The following ZNF423 variants were observed in gnomAD, a reference collection of about 807,000 sequenced individuals.
ZNF423 encodes the protein Ebf-associated zinc finger protein.
ZNF423 carries 12 observed loss-of-function variants against 95.8 expected under a neutral mutation model. That is an observed-to-expected ratio of 0.13 (90% CI 0.08 to 0.20). The LOEUF is 0.20. ZNF423 is among the 10% of genes least tolerant of loss of function. The pLI is 1.00. For missense variants in ZNF423, 1,316 were observed against 1,737.1 expected (o/e 0.76, Z 4.31); for synonymous variants, 749 against 711.9 (o/e 1.05, Z -0.83).
intron 4 of ZNF423, among the ~76,000 whole-genome samples, chr16:49,628,023 C>T (rs1362251793): frequency 6.6e-6 from 1 of 150,780 alleles, no homozygotes; most frequent in African/African-American, 2.4e-5. Context: ...TACATACATA[C>T]CCACCCATCC....
intron 4 of ZNF423, among the ~76,000 whole-genome samples, chr16:49,628,217 T>C: frequency 1.4e-5 from 2 of 143,972 alleles, no homozygotes; most frequent in African/African-American, 5.2e-5. Context: ...ACCCACCCAT[T>C]TATCTACATA....
At chr16:49,537,245 G>C (rs772712159) in intron 5 of ZNF423, among the ~76,000 whole-genome samples, 3 of 152,198 alleles carry the variant, frequency 2.0e-5, no homozygotes, top group African/African-American at 7.2e-5. Flanking sequence ...TCATATGGTG[G>C]ATCAATAGCA....
At chr16:49,836,877 A>G (rs2035125856) in intron 1 of ZNF423, among the ~76,000 whole-genome samples, 1 of 152,200 alleles carries the variant, frequency 6.6e-6, no homozygotes, top group Non-Finnish European at 1.5e-5. Context: ...AACACGTCCC[A>G]GTAGGAAAAT....
At chr16:49,608,821 C>T (rs962283194) in intron 5 of ZNF423, among the ~76,000 whole-genome samples, 6 of 152,118 alleles carry the variant, frequency 3.9e-5, no homozygotes, top group African/African-American at 1.2e-4. Flanking sequence ...AAACTATGAC[C>T]CCACCACCAT....
At chr16:49,828,497 A>T (rs567770300) in intron 1 of ZNF423, among the ~76,000 whole-genome samples, 15 of 152,364 alleles carry the variant, frequency 9.8e-5, no homozygotes, top group African/African-American at 3.6e-4. Flanking sequence ...CTTCCCACTG[A>T]AAAAGAAAAG....
chr16:49,778,624 C>T (rs557391861), intron 2 of ZNF423, among the ~76,000 whole-genome samples: 1 of 152,238 alleles, frequency 6.6e-6, no homozygotes, highest in East Asian at 1.9e-4. Context: ...GACTCAGTTC[C>T]ACCCCAAATC....
At chr16:49,527,945 C>T (rs751978061) in intron 5 of ZNF423, among the ~76,000 whole-genome samples, 15 of 152,262 alleles carry the variant, frequency 9.9e-5, no homozygotes, top group South Asian at 8.3e-4. Context: ...CACACACACA[C>T]GACTACTCCC....
At chr16:49,812,359 TGAGAGGG>T (rs1226219875) in intron 1 of ZNF423, among the ~76,000 whole-genome samples, 1 of 152,154 alleles carries the variant, frequency 6.6e-6, no homozygotes, top group African/African-American at 2.4e-5. Flanking sequence ...TGGCTGGCTA[TGAGAGGG>T]GAGAGAGGGC....
At chr16:49,768,852 C>T (rs1039470506) in intron 2 of ZNF423, among the ~76,000 whole-genome samples, 3 of 152,094 alleles carry the variant, frequency 2.0e-5, no homozygotes, top group South Asian at 2.1e-4. Flanking sequence ...CAACATCTCA[C>T]GGGCATCTCA....
chr16:49,510,516 A>G (rs1967843226), intron 7 of ZNF423, among the ~76,000 whole-genome samples: 1 of 152,224 alleles, frequency 6.6e-6, no homozygotes, highest in African/African-American at 2.4e-5. Context: ...ACGACCTCAC[A>G]TGAGTGTGTC....
At chr16:49,572,376 G>A (rs1970379560) in intron 5 of ZNF423, among the ~76,000 whole-genome samples, 1 of 152,140 alleles carries the variant, frequency 6.6e-6, no homozygotes, top group African/African-American at 2.4e-5. Flanking sequence ...AGGCACATGA[G>A]GTGAAGGTGT....
At position 49,525,772 on chromosome 16, in the gene ZNF423, G is replaced by C. The variant is rs78695293; in HGVS notation, c.3602-278C>G. Among the ~76,000 whole-genome samples, 1,345 of 152,262 alleles carry C rather than the reference G, an allele frequency of 8.8e-3. 25 individuals carry two copies. Among genetic ancestry groups the C allele is most frequent in the African/African-American group, 0.03 (1,251 of 41,546 alleles). On this transcript the variant is annotated intron_variant, in intron 5 of 7. Coordinates refer to ENST00000563137, the MANE Select transcript of ZNF423 (RefSeq NM_001379286.1). ...TCAAGCAGCCAGGTGTGCAGGCCAT[G>C]GTCAACAGCTTGAGTCCCAAGACTG...
intron 6 of ZNF423, among the ~76,000 whole-genome samples, chr16:49,524,159 G>T (rs1360053941): frequency 6.6e-6 from 1 of 152,120 alleles, no homozygotes; most frequent in African/African-American, 2.4e-5. Flanking sequence ...CCCCTCCCAG[G>T]CCTGTAGGAC....
chr16:49,761,517 A>G (rs567270267), intron 2 of ZNF423, among the ~76,000 whole-genome samples: 54 of 152,222 alleles, frequency 3.5e-4, no homozygotes, highest in Non-Finnish European at 6.0e-4. Context: ...CCACGCTCTG[A>G]GTAGCAAAGA....
rs896070047 is a variant in ZNF423 at position 49,731,342 on chromosome 16, T to C, written c.101-371A>G. The C allele has an allele frequency of 7.1e-6, 7 of 985,436 alleles. No homozygotes were observed. In the South Asian group the frequency reaches 1.4e-4, roughly 20 times the overall value. 61.0% of individuals were successfully genotyped at this position (985,436 alleles called of 1,614,324 possible). On this transcript the variant is annotated intron_variant, in intron 2 of 7. Transcript: ENST00000563137. ...GCTGTTCCTAACACACCTAAACTTT[T>C]AGTTTTCCCCACAGCCTTGCAATTT...
intron 5 of ZNF423, among the ~76,000 whole-genome samples, chr16:49,542,793 T>C (rs576229006): frequency 5.8e-4 from 88 of 152,204 alleles, no homozygotes; most frequent in African/African-American, 2.0e-3. Context: ...TCCATGAGAT[T>C]GAAGATGACA....
chr16:49,665,069 G>A (rs1471353308), intron 3 of ZNF423, among the ~76,000 whole-genome samples: 3 of 152,304 alleles, frequency 2.0e-5, no homozygotes, highest in African/African-American at 7.2e-5. Context: ...GGACTGGCCT[G>A]GCTAGGCAGG....
Position 49,538,616 on chromosome 16 carries a change from C to T in ZNF423, c.3602-13122G>A, listed in dbSNP as rs565525542. Among the ~76,000 whole-genome samples, 28 of 152,298 alleles carry T rather than the reference C, an allele frequency of 1.8e-4. No homozygotes were observed. In the East Asian group the frequency reaches 5.4e-3, roughly 29 times the overall value. ...CACTCTTCTGCCAGGTGGCCCTGGCCCTGCCTACCTAACACCCCTACTTTT... is the reference window on the plus strand; with the variant it reads ...CACTCTTCTGCCAGGTGGCCCTGGCTCTGCCTACCTAACACCCCTACTTTT... On this transcript the variant is annotated intron_variant, in intron 5 of 7. Coordinates refer to ENST00000563137, the MANE Select transcript of ZNF423 (RefSeq NM_001379286.1).
At chr16:49,715,915 G>T (rs958502304) in intron 3 of ZNF423, among the ~76,000 whole-genome samples, 1 of 151,966 alleles carries the variant, frequency 6.6e-6, no homozygotes, top group African/African-American at 2.4e-5. Context: ...GGGCATGGTG[G>T]TGCAAGCCTA....
Sources: allele counts gnomAD v4.1 joint callset (sites outside exome capture counted in the v4.1 genomes callset), GRCh38; gene constraint gnomAD v4.1.1; transcripts MANE v1.5; gene names NCBI Gene and HGNC (gene_info 2026-07-23, HGNC 2026-07-21).